The following ZNF385D variants were observed in gnomAD, a reference collection of about 807,000 sequenced individuals.
The protein encoded by ZNF385D is zinc finger protein 659.
Under a neutral mutation model 35.8 loss-of-function variants are expected in ZNF385D, and 15 were observed. The observed-to-expected ratio is 0.42, with a 90% CI of 0.28 to 0.64. ZNF385D has a LOEUF of 0.64. Ranked by LOEUF, ZNF385D falls within the 30% of genes least tolerant of loss-of-function variation. The pLI, the probability that ZNF385D is intolerant of heterozygous loss-of-function variation, is 0.23. For synonymous variants in ZNF385D, 212 were observed against 186.8 expected, an observed-to-expected ratio of 1.13 and a Z score of -1.10; for missense variants, 474 against 494.6, an observed-to-expected ratio of 0.96 and a Z score of 0.39.
intron 3 of ZNF385D, among the ~76,000 whole-genome samples, chr3:22,008,626 G>A (rs1319744960): frequency 6.6e-6 from 1 of 152,078 alleles, no homozygotes; most frequent in Non-Finnish European, 1.5e-5. Context: ...AAAGTGCTGG[G>A]ATTACAGGCG....
At chr3:22,016,908 C>T (rs1276590332) in intron 3 of ZNF385D, among the ~76,000 whole-genome samples, 1 of 151,480 alleles carries the variant, frequency 6.6e-6, no homozygotes, top group African/African-American at 2.4e-5. Context: ...ATCAATCTAT[C>T]TATCTATCCT....
Position 21,439,668 on chromosome 3 carries a change from T to C in ZNF385D, c.440-2465A>G, listed in dbSNP as rs77970459. On this transcript the variant is annotated intron_variant, in intron 4 of 7. Transcript: ENST00000281523. ...ATAGTGCAATTTGTTAACAAAAGCA[T>C]AGAATAAACAAAACCAGGAATCTTT... Among the ~76,000 whole-genome samples, 238 of 152,208 alleles carry C rather than the reference T, an allele frequency of 1.6e-3. 2 individuals carry two copies. Among genetic ancestry groups the C allele is most frequent in the African/African-American group, 5.5e-3 (230 of 41,570 alleles).
chr3:22,234,427 C>G (rs1699062930), intron 2 of ZNF385D, among the ~76,000 whole-genome samples: 1 of 152,060 alleles, frequency 6.6e-6, no homozygotes, highest in African/African-American at 2.4e-5. Context: ...GTCCTCAAAT[C>G]TAAATCATTC....
chr3:21,721,411 A>G (rs2068535553), intron 1 of ZNF385D, among the ~76,000 whole-genome samples: 1 of 152,062 alleles, frequency 6.6e-6, no homozygotes, highest in Non-Finnish European at 1.5e-5. Flanking sequence ...GGTTATAAAA[A>G]GAAATAGTCC....
At chr3:22,324,978 T>C (rs1301136203) in intron 2 of ZNF385D, among the ~76,000 whole-genome samples, 2 of 152,214 alleles carry the variant, frequency 1.3e-5, no homozygotes, top group African/African-American at 2.4e-5. Context: ...TGTGTATCTG[T>C]TTCTTTGGTG....
At position 22,049,644 on chromosome 3, in the gene ZNF385D, C is replaced by T. The variant is rs375670916; in HGVS notation, c.325+119173G>A. Among the ~76,000 whole-genome samples, 10 of 152,200 alleles carry T rather than the reference C, an allele frequency of 6.6e-5. 1 individual carries two copies. The highest frequency in any genetic ancestry group is 2.1e-4 in the South Asian group (1 of 4,816). On this transcript the variant is annotated intron_variant, in intron 3 of 5. Coordinates refer to the ZNF385D transcript ENST00000494108. ...AATTTAGTTTGATGTTATTAATACC[C>T]GTGGACTTATCATATATGGCCTTTA...
chr3:22,297,745 A>T (rs1422864733), intron 2 of ZNF385D, among the ~76,000 whole-genome samples: 1 of 152,142 alleles, frequency 6.6e-6, no homozygotes, highest in Non-Finnish European at 1.5e-5. Flanking sequence ...TATGTAATAT[A>T]GAAGAGTATA....
chr3:21,788,799 A>G (rs200176950), intron 3 of ZNF385D, among the ~76,000 whole-genome samples: 1 of 152,244 alleles, frequency 6.6e-6, no homozygotes, highest in Admixed American at 6.5e-5. Context: ...TACGGGACAC[A>G]GGAATCTTGG....
chr3:22,284,175 A>G (rs1475831594), intron 2 of ZNF385D, among the ~76,000 whole-genome samples: 8 of 131,628 alleles, frequency 6.1e-5, no homozygotes, highest in African/African-American at 2.1e-4. Context: ...TAAACACAGG[A>G]TTTTTGTTTG....
At chr3:22,030,472 A>AGG (rs1477642545) in intron 3 of ZNF385D, among the ~76,000 whole-genome samples, 1 of 150,450 alleles carries the variant, frequency 6.6e-6, no homozygotes, top group African/African-American at 2.5e-5. Flanking sequence ...GGAGGGAGAG[A>AGG]GAGAGACACA....
intron 1 of ZNF385D, among the ~76,000 whole-genome samples, chr3:21,697,242 C>T (rs2067502784): frequency 1.3e-5 from 2 of 152,098 alleles, no homozygotes; most frequent in African/African-American, 4.8e-5. Flanking sequence ...GGGTGAGATG[C>T]TATTCCACAT....
At chr3:22,017,363 C>T (rs1287569886) in intron 3 of ZNF385D, among the ~76,000 whole-genome samples, 9 of 151,870 alleles carry the variant, frequency 5.9e-5, no homozygotes, top group Admixed American at 3.3e-4. Context: ...ACTGTTCTTT[C>T]GGTTCGTAGA....
chr3:22,311,504 C>T (rs1185271448), intron 2 of ZNF385D, among the ~76,000 whole-genome samples: 1 of 151,982 alleles, frequency 6.6e-6, no homozygotes, highest in Non-Finnish European at 1.5e-5. Context: ...ATATACTTAC[C>T]TATTTATTCA....
chr3:21,751,426 T>C (rs2070080362), upstream of ZNF385D: 2 of 1,004,732 alleles, frequency 2.0e-6, no homozygotes, highest in African/African-American at 1.7e-5. Context: ...CAGGAGAAAT[T>C]CACCACTGTG....
intron 1 of ZNF385D, among the ~76,000 whole-genome samples, chr3:21,732,829 C>T (rs2069080161): frequency 6.6e-6 from 1 of 152,016 alleles, no homozygotes; most frequent in South Asian, 2.1e-4. Flanking sequence ...ACATTTTCTC[C>T]CTGTCTGTGG....
intron 2 of ZNF385D, among the ~76,000 whole-genome samples, chr3:22,261,863 C>A (rs1185774255): frequency 6.6e-6 from 1 of 151,886 alleles, no homozygotes; most frequent in Non-Finnish European, 1.5e-5. Context: ...TAATGACTCC[C>A]TGTGATTCTA....
intron 1 of ZNF385D, among the ~76,000 whole-genome samples, chr3:21,722,800 C>A (rs372937066): frequency 5.3e-5 from 8 of 152,284 alleles, no homozygotes; most frequent in Non-Finnish European, 1.2e-4. Flanking sequence ...TGCAAGTGAC[C>A]CTGACTGCCT....
chr3:22,129,184 AAC>A (rs1049766696), intron 3 of ZNF385D, among the ~76,000 whole-genome samples: 6 of 152,058 alleles, frequency 3.9e-5, no homozygotes, highest in Non-Finnish European at 7.4e-5. Context: ...TCCCCAAACA[AAC>A]AGAGTCTCTC....
At chr3:21,891,898 T>C (rs1698886253) in intron 3 of ZNF385D, among the ~76,000 whole-genome samples, 1 of 152,130 alleles carries the variant, frequency 6.6e-6, no homozygotes, top group Admixed American at 6.6e-5. Context: ...TTAGAAAAGT[T>C]TCACTCTGTC....
Sources: gnomAD v4.1 joint callset for allele counts (sites outside exome capture counted in the v4.1 genomes callset) on GRCh38, gnomAD v4.1.1 for gene constraint, MANE v1.5 for transcripts, NCBI Gene and HGNC (gene_info 2026-07-23, HGNC 2026-07-21) for gene names.